Variants in LHFPL6 observed in about 807,000 individuals in gnomAD.
LHFPL6 encodes the protein LHFPL tetraspan subfamily member 6 protein.
In LHFPL6, 9 loss-of-function variants were observed where a neutral mutation model predicts 20.6. The ratio of observed to expected loss-of-function variants is 0.44; its 90% CI spans 0.26 to 0.76. The LOEUF (loss-of-function observed/expected upper bound fraction) is 0.76, where lower values mean the gene tolerates loss of function less well. LHFPL6 is among the 30% of genes least tolerant of loss of function. LHFPL6 has a pLI of 0.20. For missense variants in LHFPL6, 218 were observed against 253.5 expected, an observed-to-expected ratio of 0.86 and a Z score of 0.95; for synonymous variants, 105 against 98.7, an observed-to-expected ratio of 1.06 and a Z score of -0.38.
chr13:39,506,723 TG>T (rs961903739), intron 2 of LHFPL6, among the ~76,000 whole-genome samples: 7 of 149,474 alleles, frequency 4.7e-5, no homozygotes, highest in South Asian at 4.3e-4. Context: ...GATAGGGAGG[TG>T]GGGGGGAAGG....
chr13:39,572,605 C>T (rs947416487), intron 2 of LHFPL6, among the ~76,000 whole-genome samples: 1 of 152,156 alleles, frequency 6.6e-6, no homozygotes, highest in Admixed American at 6.5e-5. Context: ...GTAGGCTTGG[C>T]CACCTATCTT....
At chr13:39,544,628 A>T (rs1031249680) in intron 2 of LHFPL6, among the ~76,000 whole-genome samples, 1 of 151,414 alleles carries the variant, frequency 6.6e-6, no homozygotes, top group Non-Finnish European at 1.5e-5. Context: ...ACCCTCTCAG[A>T]CTACATTGAA....
At chr13:39,386,849 T>C (rs1015405429) in intron 2 of LHFPL6, among the ~76,000 whole-genome samples, 1 of 152,196 alleles carries the variant, frequency 6.6e-6, no homozygotes, top group Non-Finnish European at 1.5e-5. Flanking sequence ...TCTTTGAATA[T>C]ATTTTGAGCT....
At chr13:39,369,597 T>TCCTTCCTTCCTTCCTTCCTTC (rs763910245) in intron 3 of LHFPL6, among the ~76,000 whole-genome samples, 2 of 87,374 alleles carry the variant, frequency 2.3e-5, no homozygotes, top group African/African-American at 4.3e-5. Flanking sequence ...CTTCCTTCCT[T>TCCTTCCTTCCTTCCTTCCTTC]CCTCCCTCTC....
At chr13:39,600,350 G>A (rs1872896412) in intron 2 of LHFPL6, among the ~76,000 whole-genome samples, 1 of 152,222 alleles carries the variant, frequency 6.6e-6, no homozygotes, top group Non-Finnish European at 1.5e-5. Flanking sequence ...TAGAAATAGA[G>A]TTTAAGATTG....
chr13:39,541,525 T>G (rs1870798050), intron 2 of LHFPL6, among the ~76,000 whole-genome samples: 3 of 152,164 alleles, frequency 2.0e-5, no homozygotes, highest in South Asian at 4.1e-4. Context: ...CCTCTAACTC[T>G]GCTTCTGTAA....
chr13:39,525,514 G>A (rs1055704316), intron 2 of LHFPL6, among the ~76,000 whole-genome samples: 4 of 152,020 alleles, frequency 2.6e-5, no homozygotes, highest in African/African-American at 7.3e-5. Flanking sequence ...TAAATGTAAC[G>A]TCACTCACTA....
At chr13:39,569,899 A>T (rs1871858993) in intron 2 of LHFPL6, among the ~76,000 whole-genome samples, 1 of 152,224 alleles carries the variant, frequency 6.6e-6, no homozygotes. Flanking sequence ...TGGATGAAAC[A>T]ACTTTTGGAG....
In LHFPL6 at chr13:39,378,394, T is replaced by G. The variant is rs745890433; in HGVS notation, c.484+34A>C. 3 of 1,562,776 alleles carry G rather than the reference T, an allele frequency of 1.9e-6. No individual in the cohort carries two copies. In the Admixed American group the frequency reaches 5.0e-5, roughly 26 times the overall value. ...ATGAAACATCAGATAAGGTTCTTTT[T>G]CTAAAAGGAGTGCCATCCATGAAGA... On this transcript the variant is annotated intron_variant, in intron 3 of 3. Coordinates refer to ENST00000379589, the MANE Select transcript of LHFPL6 (RefSeq NM_005780.3).
intron 2 of LHFPL6, among the ~76,000 whole-genome samples, chr13:39,381,512 C>T (rs920082067): frequency 9.2e-5 from 14 of 152,074 alleles, no homozygotes; most frequent in South Asian, 2.1e-4. Context: ...CCTCCAACAA[C>T]GCATGCTTAT....
chr13:39,403,339 T>C (rs534004199), intron 2 of LHFPL6, among the ~76,000 whole-genome samples: 5 of 152,242 alleles, frequency 3.3e-5, no homozygotes, highest in Non-Finnish European at 5.9e-5. Context: ...AGTTAATTAG[T>C]GTCAGCTTTC....
At chr13:39,495,000 T>A (rs1869050972) in intron 2 of LHFPL6, among the ~76,000 whole-genome samples, 4 of 152,134 alleles carry the variant, frequency 2.6e-5, no homozygotes, top group Admixed American at 2.6e-4. Flanking sequence ...TACGCCAACC[T>A]CAGGCCTTGA....
chr13:39,520,152 G>A (rs533973134), intron 2 of LHFPL6, among the ~76,000 whole-genome samples: 6 of 152,290 alleles, frequency 3.9e-5, no homozygotes, highest in Non-Finnish European at 8.8e-5. Flanking sequence ...AAAAGGCTGT[G>A]TAAGATTTGG....
At chr13:39,564,385 C>T (rs1322063217) in intron 2 of LHFPL6, among the ~76,000 whole-genome samples, 2 of 152,164 alleles carry the variant, frequency 1.3e-5, no homozygotes, top group Admixed American at 1.3e-4. Flanking sequence ...TGCTCTCTAT[C>T]TCAAACCCAT....
rs113736553 is a variant in LHFPL6 at position 39,478,975 on chromosome 13, A to G, written c.386-100449T>C. Among the ~76,000 whole-genome samples, 55 of 151,156 alleles carry G rather than the reference A, an allele frequency of 3.6e-4. 1 individual carries two copies. Among genetic ancestry groups the G allele is most frequent in the African/African-American group, 1.2e-3 (51 of 41,314 alleles). On this transcript the variant is annotated intron_variant, in intron 2 of 3. Coordinates refer to ENST00000379589, the MANE Select transcript of LHFPL6 (RefSeq NM_005780.3). The stretch of plus-strand genomic sequence containing the variant: ...CGATATGTCTCTATATATAATATAT[A>G]CATATATATAAAATGAGATTTCTTT...
Position 39,439,624 on chromosome 13 carries a change from G to A in LHFPL6, c.386-61098C>T, listed in dbSNP as rs113010033. 5.1e-3 allele frequency among the ~76,000 whole-genome samples: 772 copies of A among 152,262 alleles called. 4 individuals carry two copies. Among genetic ancestry groups the A allele is most frequent in the African/African-American group, 0.017 (710 of 41,546 alleles). On this transcript the variant is annotated intron_variant, in intron 2 of 3. Coordinates refer to ENST00000379589, the MANE Select transcript of LHFPL6 (RefSeq NM_005780.3). Reference sequence around the variant, plus strand: ...ATCTCAATGTTGGAGATGGCGCCTGGTGGGAGGTGATTGGATCATGGGGGC... The same window carrying A: ...ATCTCAATGTTGGAGATGGCGCCTGATGGGAGGTGATTGGATCATGGGGGC...
intron 2 of LHFPL6, among the ~76,000 whole-genome samples, chr13:39,539,573 C>T (rs1870731763): frequency 6.6e-6 from 1 of 152,196 alleles, no homozygotes; most frequent in South Asian, 2.1e-4. Flanking sequence ...CAATATGCTG[C>T]ACATGCACGT....
At chr13:39,463,960 T>C (rs1253206586) in intron 2 of LHFPL6, among the ~76,000 whole-genome samples, 1 of 152,154 alleles carries the variant, frequency 6.6e-6, no homozygotes, top group Non-Finnish European at 1.5e-5. Flanking sequence ...AAGCCCTTAT[T>C]ATACAGAGGT....
chr13:39,470,211 T>C (rs981589222), intron 2 of LHFPL6, among the ~76,000 whole-genome samples: 4 of 152,162 alleles, frequency 2.6e-5, no homozygotes, highest in Admixed American at 2.0e-4. Flanking sequence ...CTTCAATATT[T>C]CTTCTCTATC....
Sources: gnomAD v4.1 joint callset for allele counts (sites outside exome capture counted in the v4.1 genomes callset) on GRCh38, gnomAD v4.1.1 for gene constraint, MANE v1.5 for transcripts, NCBI Gene and HGNC (gene_info 2026-07-23, HGNC 2026-07-21) for gene names.